The following STAU1 variants were observed in gnomAD, a reference collection of about 807,000 sequenced individuals.
STAU1 encodes the protein staufen double-stranded RNA binding protein 1, also known as double-stranded RNA-binding protein Staufen homolog 1.
STAU1 carries 13 observed loss-of-function variants against 62.9 expected under a neutral mutation model. The ratio of observed to expected loss-of-function variants is 0.21; its 90% CI spans 0.13 to 0.33. The LOEUF (loss-of-function observed/expected upper bound fraction) is 0.33, where lower values mean the gene tolerates loss of function less well. Among genes scored for constraint, STAU1 ranks in the 10% least tolerant of loss-of-function variants. STAU1 has a pLI of 1.00. For missense variants in STAU1, 571 were observed against 712.1 expected (o/e 0.80, Z 2.25); for synonymous variants, 269 against 265.1 (o/e 1.01, Z -0.14).
the STAU1 span, among the ~76,000 whole-genome samples, chr20:49,207,000 C>T: frequency 7.3e-5 from 11 of 151,710 alleles, no homozygotes; most frequent in East Asian, 1.2e-3. Context: ...GTGATCCACC[C>T]GCCTTGGCCT....
intron 1 of STAU1, among the ~76,000 whole-genome samples, chr20:49,178,952 G>A (rs1196944131): frequency 6.7e-6 from 1 of 148,690 alleles, no homozygotes; most frequent in East Asian, 2.0e-4. Flanking sequence ...ATGGTGGCGG[G>A]CACCTGTAGT....
chr20:49,177,817 G>T (rs376113965), intron 1 of STAU1, among the ~76,000 whole-genome samples: 1 of 152,136 alleles, frequency 6.6e-6, no homozygotes, highest in Non-Finnish European at 1.5e-5. Flanking sequence ...GAGAGAGAGA[G>T]AGGGGAGAAA....
In STAU1 at chr20:49,158,459, A is replaced by G. The variant is rs953310618; in HGVS notation, c.206-4388T>C. 4.6e-6 allele frequency: 6 copies of G among 1,304,662 alleles called. No individual in the cohort carries two copies. In the African/African-American group the frequency reaches 6.1e-5, roughly 13 times the overall value. 80.8% of individuals were successfully genotyped at this position (1,304,662 alleles called of 1,614,324 possible). A position where few individuals can be genotyped will look rare whatever the true frequency, so the allele number is the denominator to read the frequency against. ...TGCCTTCATAGCTGATTTTTCTTGT[A>G]GGTCTTACTTTTAGGATTCCCTCAG... is the stretch of plus-strand genomic sequence containing the variant. On this transcript the variant is annotated intron_variant, in intron 3 of 13. Coordinates refer to ENST00000371856, the MANE Select transcript of STAU1 (RefSeq NM_017453.4).
chr20:49,204,632 ATATATATATATATATTTTTTTTTT>A, the STAU1 span, among the ~76,000 whole-genome samples: 1 of 55,234 alleles, frequency 1.8e-5, no homozygotes. Context: ...ATGTGTATAT[ATATATATATATATATTTTTTTTTT>A]TTTTTTTTTT....
intron 8 of STAU1, among the ~76,000 whole-genome samples, chr20:49,120,781 T>C (rs1172118174): frequency 2.0e-5 from 3 of 152,188 alleles, no homozygotes; most frequent in African/African-American, 7.2e-5. Context: ...CATGTCTTCA[T>C]TGTTTCACTT....
chr20:49,182,004 G>C (rs2093732286), intron 1 of STAU1, among the ~76,000 whole-genome samples: 1 of 152,106 alleles, frequency 6.6e-6, no homozygotes, highest in Admixed American at 6.6e-5. Flanking sequence ...TTAGATTCCA[G>C]ATTAAACAGA....
chr20:49,193,157 A>C (rs1483402628), upstream of STAU1, among the ~76,000 whole-genome samples: 2 of 152,060 alleles, frequency 1.3e-5, no homozygotes. Context: ...TGGGCGGATC[A>C]CTTGAGGTCA....
rs759144966 is a variant in STAU1 at position 49,124,646 on chromosome 20, C to G, written c.610-59G>C. ...CAGACACTTATTAAAAGCTCCAAGG[C>G]ACACTGGCTGGCACACTTCACACAG... On this transcript the variant is annotated intron_variant, in intron 6 of 13. Coordinates refer to ENST00000371856, the MANE Select transcript of STAU1 (RefSeq NM_017453.4). 7.6e-6 allele frequency: 12 copies of G among 1,575,414 alleles called. No individual in the cohort carries two copies. In the South Asian group the frequency reaches 1.2e-4, roughly 16 times the overall value.
At chr20:49,191,748 G>A (rs1455280616), upstream of STAU1, among the ~76,000 whole-genome samples, 2 of 152,106 alleles carry the variant, frequency 1.3e-5, no homozygotes, top group Admixed American at 6.6e-5. Flanking sequence ...GCAACAATTA[G>A]AAGACATAAA....
intron 1 of STAU1, among the ~76,000 whole-genome samples, chr20:49,175,541 G>A (rs966763048): frequency 1.3e-5 from 2 of 151,984 alleles, no homozygotes; most frequent in East Asian, 1.9e-4. Flanking sequence ...GTGCAGTGGC[G>A]TGATGTCGGC....
the STAU1 span, among the ~76,000 whole-genome samples, chr20:49,209,523 C>T: frequency 2.6e-5 from 4 of 151,502 alleles, no homozygotes; most frequent in African/African-American, 9.7e-5. Flanking sequence ...TTGGGTGGAT[C>T]ACATGAGGTC....
intron 6 of STAU1, chr20:49,134,515 C>G: frequency 8.2e-7 from 1 of 1,217,998 alleles, no homozygotes; most frequent in East Asian, 2.5e-5. Flanking sequence ...TGGATCCTGA[C>G]ACCAAACTCA....
At chr20:49,168,085 A>ATTT (rs3091970) in intron 2 of STAU1, among the ~76,000 whole-genome samples, 1 of 144,618 alleles carries the variant, frequency 6.9e-6, no homozygotes, top group South Asian at 2.2e-4. Context: ...TAAATTTTTA[A>ATTT]TTTTTTTTTT....
At chr20:49,144,462 T>A (rs1180607363) in intron 5 of STAU1, among the ~76,000 whole-genome samples, 1 of 152,230 alleles carries the variant, frequency 6.6e-6, no homozygotes, top group Non-Finnish European at 1.5e-5. Context: ...TATGCTAGCA[T>A]CTGAAGACTC....
At chr20:49,159,554 TTTTTA>T (rs778328117) in intron 3 of STAU1, among the ~76,000 whole-genome samples, 11 of 152,278 alleles carry the variant, frequency 7.2e-5, no homozygotes, top group Admixed American at 1.3e-4. Flanking sequence ...CTGACTTCTA[TTTTTA>T]TTTTAATTAA....
intron 5 of STAU1, among the ~76,000 whole-genome samples, chr20:49,145,281 G>A (rs1225988157): frequency 1.3e-5 from 2 of 151,566 alleles, no homozygotes; most frequent in African/African-American, 4.9e-5. Flanking sequence ...AAAATTAGCC[G>A]GCGGTAGTGG....
Position 49,114,547 on chromosome 20 carries a change from A to G in STAU1, c.*331T>C. On this transcript the variant is annotated 3_prime_UTR_variant, in exon 14 of 14. Coordinates refer to ENST00000371856, the MANE Select transcript of STAU1 (RefSeq NM_017453.4). ...GTTTCTTCTTTCACACAGGGGAAAAAAAAGACCAAACACGGAGGTGCCCAG... is the reference window on the plus strand; with the variant it reads ...GTTTCTTCTTTCACACAGGGGAAAAGAAAGACCAAACACGGAGGTGCCCAG... 3.1e-6 allele frequency: 1 copy of G among 318,260 alleles called. No homozygotes were observed. Among genetic ancestry groups the G allele is most frequent in the Non-Finnish European group, 5.8e-6 (1 of 171,534 alleles). The allele number at this position is 318,260 out of a possible 1,614,324, so 19.7% of individuals were successfully genotyped here. A position where few individuals can be genotyped will look rare whatever the true frequency, so the allele number is the denominator to read the frequency against.
the STAU1 span, among the ~76,000 whole-genome samples, chr20:49,215,910 A>G: frequency 6.9e-6 from 1 of 145,508 alleles, no homozygotes; most frequent in African/African-American, 2.5e-5. Flanking sequence ...TGGGAGGCTG[A>G]GGCAGGAGAA....
chr20:49,146,151 A>G (rs764210937), intron 5 of STAU1, among the ~76,000 whole-genome samples: 3 of 152,106 alleles, frequency 2.0e-5, no homozygotes, highest in Non-Finnish European at 4.4e-5. Context: ...CTGTGGTCCT[A>G]GCTACTTGGG....
Sources: allele counts gnomAD v4.1 joint callset (sites outside exome capture counted in the v4.1 genomes callset), GRCh38; gene constraint gnomAD v4.1.1; transcripts MANE v1.5; gene names NCBI Gene and HGNC (gene_info 2026-07-23, HGNC 2026-07-21).